Variants in SLC6A9 observed in about 807,000 individuals in gnomAD.
SLC6A9 encodes solute carrier family 6 member 9, also known as sodium- and chloride-dependent glycine transporter 1.
A neutral mutation model predicts 70.9 loss-of-function variants in SLC6A9; 31 were observed. The observed-to-expected ratio is 0.44, with a 90% CI of 0.33 to 0.59. SLC6A9 has a LOEUF of 0.59. Ranked by LOEUF, SLC6A9 falls within the 20% of genes least tolerant of loss-of-function variation. The probability of loss-of-function intolerance (pLI) is 0.04; values close to 1 mark genes in which losing one functional copy is unlikely to be tolerated. For synonymous variants in SLC6A9, 310 were observed against 341.3 expected (o/e 0.91, Z 1.01); for missense variants, 631 against 845.2 (o/e 0.75, Z 3.14).
At chr1:44,023,208 G>A (rs1276374145) in intron 2 of SLC6A9, among the ~76,000 whole-genome samples, 12 of 152,150 alleles carry the variant, frequency 7.9e-5, no homozygotes, top group Admixed American at 2.6e-4. Context: ...CCCGGCAGCC[G>A]TCCAGTCTAG....
At chr1:44,006,448 C>T (rs1195949951) in intron 5 of SLC6A9, among the ~76,000 whole-genome samples, 2 of 151,814 alleles carry the variant, frequency 1.3e-5, no homozygotes, top group African/African-American at 2.4e-5. Context: ...ACAAGCCAGG[C>T]GTGGTGGCGG....
Position 44,010,707 on chromosome 1 carries a change from C to T in SLC6A9, c.187+19G>A. On this transcript the variant is annotated intron_variant, in intron 3 of 13. Coordinates refer to ENST00000372310, the MANE Select transcript of SLC6A9 (RefSeq NM_001024845.3). ...GCTCTACCCAAGTGGGTGGTCCCTG[C>T]CCTGTGCCCACTGGGTACCTCCCCC... 1 of 1,612,444 alleles carries T rather than the reference C, an allele frequency of 6.2e-7. No individual in the cohort carries two copies. The highest frequency in any genetic ancestry group is 1.1e-5 in the South Asian group (1 of 90,950).
intron 4 of SLC6A9, among the ~76,000 whole-genome samples, chr1:44,009,674 C>A (rs1003149326): frequency 1.3e-5 from 2 of 152,178 alleles, no homozygotes; most frequent in African/African-American, 4.8e-5. Flanking sequence ...AAGGGGCAGG[C>A]TGAGATGGAG....
Position 44,013,878 on chromosome 1 carries a change from T to C in SLC6A9, c.31-2996A>G, listed in dbSNP as rs1258308715. On this transcript the variant is annotated intron_variant, in intron 2 of 13. Coordinates refer to ENST00000372310, the MANE Select transcript of SLC6A9 (RefSeq NM_001024845.3). The surrounding 1 kb of genome is among the most constrained non-coding windows in gnomAD (Gnocchi z 5.3). The stretch of plus-strand genomic sequence containing the variant: ...TCCTGAGCAGCTAAATCTTTTTCAA[T>C]ACTGTATGGCTTTTTTTCTCCCTCC... Among the ~76,000 whole-genome samples, 4 of 152,208 alleles carry C rather than the reference T, an allele frequency of 2.6e-5. No homozygotes were observed. Among genetic ancestry groups the C allele is most frequent in the Non-Finnish European group, 5.9e-5 (4 of 68,042 alleles).
intron 2 of SLC6A9, chr1:44,017,354 C>A: frequency 3.0e-6 from 4 of 1,337,610 alleles, no homozygotes; most frequent in Admixed American, 3.6e-5. Context: ...TTGTTCCCAG[C>A]AAGTAACTGG....
At chr1:44,010,571 CA>C in intron 3 of SLC6A9, 154 bp downstream of exon 3, 1 of 683,030 alleles carries the variant, frequency 1.5e-6, no homozygotes, top group Non-Finnish European at 2.4e-6. Flanking sequence ...CTGCCTTAGG[CA>C]AAGGGTGCCT....
At chr1:44,004,409 A>G (rs541611385) in intron 5 of SLC6A9, among the ~76,000 whole-genome samples, 1 of 151,500 alleles carries the variant, frequency 6.6e-6, no homozygotes, top group Non-Finnish European at 1.5e-5. Context: ...GCAATGGCAC[A>G]ATCATGGCTC....
Position 44,022,720 on chromosome 1 carries a change from TTC to T in SLC6A9, c.30+1526_30+1527del, listed in dbSNP as rs1415277424. On this transcript the variant is annotated intron_variant, in intron 2 of 13. Coordinates refer to ENST00000372310, the MANE Select transcript of SLC6A9 (RefSeq NM_001024845.3). Reference sequence around the variant, plus strand: ...AATTTTTCTTTCTTTCTTTCTTTCTTTCTTTTTTTTTTTTTTGAGACAGAGCC... The same window carrying T: ...AATTTTTCTTTCTTTCTTTCTTTCTTTTTTTTTTTTTTTTGAGACAGAGCC... Among the ~76,000 whole-genome samples, 16 of 124,560 alleles carry T rather than the reference TTC, an allele frequency of 1.3e-4. No homozygotes were observed. The East Asian group carries it at 3.1e-3, about 24-fold the overall frequency. 81.7% of individuals were successfully genotyped at this position (124,560 alleles called of 152,430 possible). A position where few individuals can be genotyped will look rare whatever the true frequency, so the allele number is the denominator to read the frequency against.
intron 5 of SLC6A9, among the ~76,000 whole-genome samples, chr1:44,003,919 C>T (rs1343979805): frequency 6.6e-6 from 1 of 152,132 alleles, no homozygotes; most frequent in Non-Finnish European, 1.5e-5. Context: ...TCTCCCCAGC[C>T]CTCAGGGAAG....
At chr1:44,011,689 G>A (rs762753760) in intron 2 of SLC6A9, 4 of 1,614,114 alleles carry the variant, frequency 2.5e-6, no homozygotes, top group Non-Finnish European at 3.4e-6. Flanking sequence ...AAGGGTGGCA[G>A]GAAGAAGGAT....
At position 44,002,654 on chromosome 1, in the gene SLC6A9, A is replaced by G; in HGVS notation, c.724-8T>C. The stretch of plus-strand genomic sequence containing the variant: ...GGCCGTGAAGTACACCACCTGGCAC[A>G]AGAGGGCTCCATGGACTCTTCTGGG... On this transcript the variant is annotated splice_polypyrimidine_tract_variant and splice_region_variant and intron_variant, in intron 6 of 13. Coordinates refer to ENST00000372310, the MANE Select transcript of SLC6A9 (RefSeq NM_001024845.3). The surrounding 1 kb of genome is among the most constrained non-coding windows in gnomAD (Gnocchi z 5.5). 6.2e-7 allele frequency: 1 copy of G among 1,614,046 alleles called. No individual in the cohort carries two copies.
At chr1:44,001,716 G>T in intron 8 of SLC6A9, 89 bp from the exon 9 acceptor site, 2 of 962,464 alleles carry the variant, frequency 2.1e-6, no homozygotes, top group Non-Finnish European at 3.2e-6. Flanking sequence ...TAGGTACAAA[G>T]GCACCCCCAA....
chr1:44,007,397 A>G (rs2086356888), intron 5 of SLC6A9, among the ~76,000 whole-genome samples: 1 of 152,146 alleles, frequency 6.6e-6, no homozygotes, highest in Admixed American at 6.5e-5. Context: ...GAGGCCTGCC[A>G]GCATGCCCCC....
At chr1:43,999,678 C>T (rs754507410) in intron 12 of SLC6A9, among the ~76,000 whole-genome samples, 9 of 152,178 alleles carry the variant, frequency 5.9e-5, no homozygotes, top group Non-Finnish European at 1.3e-4. Flanking sequence ...GAACATCCCA[C>T]AACCTACCGG....
chr1:44,000,562 C>T (rs184829512), intron 12 of SLC6A9, among the ~76,000 whole-genome samples: 271 of 152,388 alleles, frequency 1.8e-3, no homozygotes, highest in Middle Eastern at 6.8e-3. Context: ...CCCCTCCTAA[C>T]CTGAGGCCAG....
chr1:44,025,016 G>A (rs1233138320), intron 1 of SLC6A9, among the ~76,000 whole-genome samples: 1 of 152,148 alleles, frequency 6.6e-6, no homozygotes, highest in East Asian at 1.9e-4. Flanking sequence ...GAATGAAAAA[G>A]TTGCTTCCTC....
In SLC6A9 at chr1:44,007,571, G is replaced by A. The variant is rs954357847; in HGVS notation, c.590+782C>T. On this transcript the variant is annotated intron_variant, in intron 5 of 13. Coordinates refer to ENST00000372310, the MANE Select transcript of SLC6A9 (RefSeq NM_001024845.3). ...CCCCGGCTCAGAGACCTTCCATGGC[G>A]TCTTTTGTTCTGCATCATCAAGTCT... 1.7e-4 allele frequency among the ~76,000 whole-genome samples: 26 copies of A among 152,304 alleles called. No homozygotes were observed. The East Asian group carries it at 3.1e-3, about 18-fold the overall frequency.
chr1:44,025,693 G>A (rs1249082131), intron 1 of SLC6A9, among the ~76,000 whole-genome samples: 17 of 151,934 alleles, frequency 1.1e-4, no homozygotes, highest in African/African-American at 3.9e-4. Context: ...CCAGCTACTC[G>A]GGAGGCTGAG....
chr1:44,012,698 A>G (rs915301606), intron 2 of SLC6A9, among the ~76,000 whole-genome samples: 1 of 152,224 alleles, frequency 6.6e-6, no homozygotes, highest in African/African-American at 2.4e-5. Flanking sequence ...GGGTGACCAC[A>G]GAGGGGATCA....
Sources: allele counts gnomAD v4.1 joint callset (sites outside exome capture counted in the v4.1 genomes callset), GRCh38; gene constraint gnomAD v4.1.1; non-coding constraint Gnocchi (gnomAD v3.1); transcripts MANE v1.5; gene names NCBI Gene and HGNC (gene_info 2026-07-23, HGNC 2026-07-21).